The following NAV2 variants were observed in gnomAD, a reference collection of about 807,000 sequenced individuals.
The protein encoded by NAV2 is helicase, APC down-regulated 1.
A neutral mutation model predicts 223.2 loss-of-function variants in NAV2; 54 were observed. The observed-to-expected ratio is 0.24, with a 90% CI of 0.19 to 0.30. The LOEUF (loss-of-function observed/expected upper bound fraction) is 0.30. NAV2 is among the 10% of genes least tolerant of loss of function. The pLI is 1.00. For missense variants in NAV2, 2,806 were observed against 3,147.5 expected, an observed-to-expected ratio of 0.89 and a Z score of 2.60; for synonymous variants, 1,279 against 1,239.3, an observed-to-expected ratio of 1.03 and a Z score of -0.67.
chr11:19,618,411 TG>T (rs2046872717), intron 1 of NAV2, among the ~76,000 whole-genome samples: 1 of 150,440 alleles, frequency 6.6e-6, no homozygotes, highest in Non-Finnish European at 1.5e-5. Flanking sequence ...GATGGATGGA[TG>T]GATGGATGGA....
At chr11:19,862,926 T>G (rs1227868828) in intron 3 of NAV2, among the ~76,000 whole-genome samples, 1 of 152,204 alleles carries the variant, frequency 6.6e-6, no homozygotes, top group African/African-American at 2.4e-5. Context: ...TTTCTTCTTT[T>G]TTAGTTTTGG....
chr11:19,656,857 T>C (rs1218548057), intron 1 of NAV2, among the ~76,000 whole-genome samples: 1 of 152,170 alleles, frequency 6.6e-6, no homozygotes, highest in African/African-American at 2.4e-5. Context: ...GAGCTGGCTA[T>C]GTTTGCTTGT....
chr11:19,719,706 C>T (rs773898995), intron 1 of NAV2, among the ~76,000 whole-genome samples: 2 of 152,184 alleles, frequency 1.3e-5, no homozygotes, highest in African/African-American at 2.4e-5. Context: ...AAAAGACAGA[C>T]GGCTTGCACC....
chr11:20,057,006 G>A (rs948302778), intron 19 of NAV2, among the ~76,000 whole-genome samples: 1 of 152,198 alleles, frequency 6.6e-6, no homozygotes, highest in East Asian at 1.9e-4. Context: ...CTTCCTGGCA[G>A]CTCAAAGTCC....
At chr11:19,794,953 C>T (rs550200404) in intron 1 of NAV2, among the ~76,000 whole-genome samples, 2 of 152,300 alleles carry the variant, frequency 1.3e-5, no homozygotes, top group East Asian at 1.9e-4. Flanking sequence ...AGACAATCAT[C>T]GAAATTAATG....
rs79674818 is a variant in NAV2, at chr11:19,680,556, G to T, written c.76-151928G>T. ...GGATGCGGAACCCCATTCTGCTTAG[G>T]GAAGCAAGGAGGCTGTGGCTATGGA... On this transcript the variant is annotated intron_variant, in intron 1 of 37. Coordinates refer to the NAV2 transcript ENST00000360655. Among the ~76,000 whole-genome samples the T allele has an allele frequency of 8.2e-3, 1,256 of 152,276 alleles. 35 individuals carry two copies. Among genetic ancestry groups the T allele is most frequent in the East Asian group, 0.079 (411 of 5,184 alleles).
At chr11:19,553,333 G>A (rs1463351609) in intron 1 of NAV2, among the ~76,000 whole-genome samples, 2 of 152,196 alleles carry the variant, frequency 1.3e-5, no homozygotes. Context: ...CTTGAGCAGG[G>A]CTCTCTGAAG....
chr11:19,565,651 C>T (rs2045243137), intron 1 of NAV2, among the ~76,000 whole-genome samples: 1 of 152,034 alleles, frequency 6.6e-6, no homozygotes, highest in Admixed American at 6.6e-5. Context: ...GACAGCCCGC[C>T]TTTTTTTTCC....
chr11:20,057,929 A>G (rs1301240074), intron 19 of NAV2, among the ~76,000 whole-genome samples: 2 of 152,256 alleles, frequency 1.3e-5, no homozygotes, highest in Non-Finnish European at 2.9e-5. Flanking sequence ...CTAATGATTC[A>G]TGGTGACATG....
intron 1 of NAV2, among the ~76,000 whole-genome samples, chr11:19,620,767 G>A (rs1043238207): frequency 8.5e-5 from 13 of 152,084 alleles, no homozygotes; most frequent in Non-Finnish European, 1.5e-4. Flanking sequence ...TCTCCTGCCT[G>A]ATTGCCCTGG....
chr11:19,929,766 AT>A (rs2045145636), intron 6 of NAV2, among the ~76,000 whole-genome samples: 1 of 152,156 alleles, frequency 6.6e-6, no homozygotes, highest in Non-Finnish European at 1.5e-5. Flanking sequence ...CCCACCAGCA[AT>A]TCATAAGTAT....
chr11:20,027,858 G>A (rs751259065), intron 11 of NAV2, among the ~76,000 whole-genome samples: 3 of 152,134 alleles, frequency 2.0e-5, no homozygotes, highest in East Asian at 1.9e-4. Context: ...TCCTCCTCCC[G>A]GAGTCTTTTG....
At chr11:19,481,208 A>T (rs896601427) in intron 1 of NAV2, among the ~76,000 whole-genome samples, 10 of 152,042 alleles carry the variant, frequency 6.6e-5, no homozygotes, top group African/African-American at 2.2e-4. Context: ...CCTGTACTGG[A>T]TGGATAGGGA....
chr11:19,519,033 G>C (rs1445241386), intron 1 of NAV2, among the ~76,000 whole-genome samples: 1 of 152,166 alleles, frequency 6.6e-6, no homozygotes, highest in Non-Finnish European at 1.5e-5. Context: ...CTGGCACCCT[G>C]ATCTGAGACT....
chr11:19,979,507 A>G (rs1052885294), intron 10 of NAV2, among the ~76,000 whole-genome samples: 1 of 152,176 alleles, frequency 6.6e-6, no homozygotes, highest in African/African-American at 2.4e-5. Flanking sequence ...CCATGTGTCT[A>G]GATGGATCCT....
At chr11:19,777,980 C>T (rs534966561) in intron 1 of NAV2, 1 of 455,792 alleles carries the variant, frequency 2.2e-6, no homozygotes, top group East Asian at 7.0e-5. Context: ...ACATGAGCCC[C>T]GAGTGAGTGA....
intron 1 of NAV2, among the ~76,000 whole-genome samples, chr11:19,399,102 T>C (rs1849581294): frequency 6.6e-6 from 1 of 152,146 alleles, no homozygotes; most frequent in South Asian, 2.1e-4. Flanking sequence ...TCTGGTGAAA[T>C]GTGATCTTTG....
intron 1 of NAV2, among the ~76,000 whole-genome samples, chr11:19,753,064 G>C (rs908789807): frequency 6.6e-6 from 1 of 152,140 alleles, no homozygotes; most frequent in African/African-American, 2.4e-5. Context: ...CTGTGAATCA[G>C]GAGGAACACC....
At chr11:19,652,373 G>T (rs1298480351) in intron 1 of NAV2, among the ~76,000 whole-genome samples, 2 of 152,142 alleles carry the variant, frequency 1.3e-5, no homozygotes, top group Non-Finnish European at 2.9e-5. Context: ...CTCTGCAGAG[G>T]TGCTGAGGAT....
Sources: allele counts gnomAD v4.1 joint callset (sites outside exome capture counted in the v4.1 genomes callset), GRCh38; gene constraint gnomAD v4.1.1; transcripts MANE v1.5; gene names NCBI Gene and HGNC (gene_info 2026-07-23, HGNC 2026-07-21).